The following RGL1 variants were observed in gnomAD, a reference collection of about 807,000 sequenced individuals.
RGL1 encodes the protein ral guanine nucleotide dissociation stimulator like 1.
Under a neutral mutation model 95.2 loss-of-function variants are expected in RGL1, and 24 were observed. That is an observed-to-expected ratio of 0.25 (90% CI 0.18 to 0.35). The LOEUF is 0.35. Among genes scored for constraint, RGL1 ranks in the 10% least tolerant of loss-of-function variants. RGL1 has a pLI of 1.00. For synonymous variants in RGL1, 329 were observed against 344.9 expected (o/e 0.95, Z 0.51); for missense variants, 715 against 936.3 (o/e 0.76, Z 3.08).
chr1:183,740,597 A>G (rs1479607538), intron 1 of RGL1, among the ~76,000 whole-genome samples: 1 of 152,210 alleles, frequency 6.6e-6, no homozygotes, highest in African/African-American at 2.4e-5. Flanking sequence ...AGACATTTCC[A>G]TGAAAACCAG....
chr1:183,870,068 TA>T (rs1666074726), intron 4 of RGL1, among the ~76,000 whole-genome samples: 1 of 152,160 alleles, frequency 6.6e-6, no homozygotes, highest in African/African-American at 2.4e-5. Context: ...GTTCGAACCC[TA>T]AAAGCATGCC....
At chr1:183,736,794 CAGGTAGAAGCAAAAG>C (rs1273234273) in intron 1 of RGL1, among the ~76,000 whole-genome samples, 1 of 152,016 alleles carries the variant, frequency 6.6e-6, no homozygotes, top group Non-Finnish European at 1.5e-5. Flanking sequence ...AAGATTTCTT[CAGGTAGAAGCAAAAG>C]GAAAATAAGC....
intron 2 of RGL1, among the ~76,000 whole-genome samples, chr1:183,743,628 C>T (rs1047340554): frequency 1.3e-5 from 2 of 152,162 alleles, no homozygotes; most frequent in Non-Finnish European, 2.9e-5. Context: ...AAGAAAATGG[C>T]AATTCCTTAA....
At chr1:183,749,819 A>C (rs902368542) in intron 2 of RGL1, among the ~76,000 whole-genome samples, 1 of 152,028 alleles carries the variant, frequency 6.6e-6, no homozygotes, top group African/African-American at 2.4e-5. Context: ...TTCACTGATG[A>C]GCTTAGTTTG....
Position 183,729,406 on chromosome 1 carries a change from A to G in RGL1, c.-32-12720A>G, listed in dbSNP as rs112334018. Among the ~76,000 whole-genome samples, 1,506 of 152,276 alleles carry G rather than the reference A, an allele frequency of 9.9e-3. 27 individuals are homozygous for G. Among genetic ancestry groups the G allele is most frequent in the African/African-American group, 0.034 (1,433 of 41,560 alleles). On this transcript the variant is annotated intron_variant, in intron 1 of 18. Coordinates refer to the RGL1 transcript ENST00000304685. Reference sequence around the variant, plus strand: ...TAGGGAAATGAAAATTACAACCACAATGTGATATCACTACACATCCGTTAG... The same window carrying G: ...TAGGGAAATGAAAATTACAACCACAGTGTGATATCACTACACATCCGTTAG...
At chr1:183,918,298 G>A (rs977579660) in intron 16 of RGL1, among the ~76,000 whole-genome samples, 3 of 152,138 alleles carry the variant, frequency 2.0e-5, no homozygotes, top group African/African-American at 7.2e-5. Flanking sequence ...ACTGAGTGTA[G>A]GATGAGGCAG....
chr1:183,837,931 T>C (rs148052845), intron 2 of RGL1, among the ~76,000 whole-genome samples: 126 of 152,296 alleles, frequency 8.3e-4, no homozygotes, highest in Non-Finnish European at 1.3e-3. Context: ...TCGCCGCTGA[T>C]CTGACAGGAG....
chr1:183,663,300 C>T (rs1174670), intron 1 of RGL1, among the ~76,000 whole-genome samples: 43,848 of 149,864 alleles, frequency 0.29, 6,905 homozygotes, highest in Middle Eastern at 0.38. Context: ...AGAAAATTTT[C>T]GCAACCTACT....
At chr1:183,849,715 T>C (rs1374739847) in intron 3 of RGL1, among the ~76,000 whole-genome samples, 2 of 152,016 alleles carry the variant, frequency 1.3e-5, no homozygotes, top group Non-Finnish European at 2.9e-5. Flanking sequence ...GATCTCGATC[T>C]CTTGACCTCA....
At chr1:183,750,969 C>T (rs773425913) in intron 2 of RGL1, among the ~76,000 whole-genome samples, 1 of 152,202 alleles carries the variant, frequency 6.6e-6, no homozygotes, top group African/African-American at 2.4e-5. Context: ...AGGTGCCAGC[C>T]AGAGCTCTCC....
chr1:183,763,652 A>G (rs1389521717), intron 2 of RGL1, among the ~76,000 whole-genome samples: 1 of 152,230 alleles, frequency 6.6e-6, no homozygotes, highest in Non-Finnish European at 1.5e-5. Context: ...ACTGGCCATG[A>G]TGTGCAAATT....
intron 9 of RGL1, among the ~76,000 whole-genome samples, chr1:183,896,110 G>A (rs1177259647): frequency 6.6e-6 from 1 of 152,236 alleles, no homozygotes; most frequent in East Asian, 1.9e-4. Context: ...CCGGAAAGAG[G>A]TGGGCACTCT....
At chr1:183,673,238 CTGTGAGTG>C (rs914467332) in intron 1 of RGL1, among the ~76,000 whole-genome samples, 16 of 152,308 alleles carry the variant, frequency 1.1e-4, no homozygotes, top group Middle Eastern at 3.4e-3. Context: ...TTTACAGGCA[CTGTGAGTG>C]TGTTTTCAGA....
At chr1:183,805,971 CTTTTTT>C (rs751229707) in intron 1 of RGL1, among the ~76,000 whole-genome samples, 13 of 74,642 alleles carry the variant, frequency 1.7e-4, no homozygotes, top group Non-Finnish European at 2.6e-4. Flanking sequence ...CTTTTCTTTT[CTTTTTT>C]TTTTTTTTTT....
intron 1 of RGL1, chr1:183,648,778 C>T (rs763522170): frequency 1.5e-5 from 24 of 1,586,106 alleles, no homozygotes; most frequent in African/African-American, 2.7e-5. Context: ...TATATGGGCT[C>T]CATTGCTAGA....
At position 183,767,234 on chromosome 1, in the gene RGL1, A is replaced by G. The variant is rs1458834790; in HGVS notation, c.132+24945A>G. 5.3e-5 allele frequency among the ~76,000 whole-genome samples: 8 copies of G among 151,020 alleles called. No homozygotes were observed. In the South Asian group the frequency reaches 1.7e-3, roughly 31 times the overall value. ...GCAGAGCAAGACCCTGTCTCAAAAAAAAAAAAAAAAAAGAAACTAAAGAAC... is the reference window on the plus strand; with the variant it reads ...GCAGAGCAAGACCCTGTCTCAAAAAGAAAAAAAAAAAAGAAACTAAAGAAC... On this transcript the variant is annotated intron_variant, in intron 2 of 18. Transcript: ENST00000304685.
intron 2 of RGL1, among the ~76,000 whole-genome samples, chr1:183,831,876 G>A (rs1035276552): frequency 6.6e-6 from 1 of 152,142 alleles, no homozygotes; most frequent in African/African-American, 2.4e-5. Flanking sequence ...CCTAATATGG[G>A]AAGTATATGG....
At chr1:183,842,458 C>T (rs1664125644) in intron 2 of RGL1, among the ~76,000 whole-genome samples, 1 of 152,010 alleles carries the variant, frequency 6.6e-6, no homozygotes, top group African/African-American at 2.4e-5. Context: ...TCTCACATGC[C>T]CTTTTTCCTC....
At chr1:183,822,082 A>T (rs1198501246) in intron 2 of RGL1, among the ~76,000 whole-genome samples, 1 of 152,202 alleles carries the variant, frequency 6.6e-6, no homozygotes, top group Non-Finnish European at 1.5e-5. Flanking sequence ...ATGACACTGT[A>T]AGCCACAGAG....
Sources: allele counts gnomAD v4.1 joint callset (sites outside exome capture counted in the v4.1 genomes callset), GRCh38; gene constraint gnomAD v4.1.1; transcripts MANE v1.5; gene names NCBI Gene and HGNC (gene_info 2026-07-23, HGNC 2026-07-21).